Variants in CAPN14 observed in about 807,000 individuals in gnomAD.
CAPN14 encodes calpain-14.
Under a neutral mutation model 101.3 loss-of-function variants are expected in CAPN14, and 94 were observed. That is an observed-to-expected ratio of 0.93 (90% CI 0.79 to 1.10). CAPN14 has a LOEUF of 1.10. Ranked by LOEUF, CAPN14 falls within the 50% of genes least tolerant of loss-of-function variation. CAPN14 has a pLI of 0.00. For synonymous variants in CAPN14, 338 were observed against 317.9 expected (o/e 1.06, Z -0.67); for missense variants, 837 against 828.4 (o/e 1.01, Z -0.13).
intron 15 of CAPN14, among the ~76,000 whole-genome samples, chr2:31,186,830 T>C (rs1162621965): frequency 6.6e-6 from 1 of 152,244 alleles, no homozygotes; most frequent in Non-Finnish European, 1.5e-5. Flanking sequence ...CAGTGAAATA[T>C]AAGTATCAAA....
At chr2:31,205,590 A>G (rs1211869539) in intron 1 of CAPN14, 91 bp from the exon 2 acceptor site, 1 of 706,164 alleles carries the variant, frequency 1.4e-6, no homozygotes, top group Non-Finnish European at 2.5e-6. Context: ...AGAGAATGGG[A>G]GCGGAGAAGT....
chr2:31,187,683 C>A, intron 15 of CAPN14, 75 bp downstream of exon 15: 1 of 1,335,328 alleles, frequency 7.5e-7, no homozygotes. Flanking sequence ...AGGTGCAAAC[C>A]TATACTTTAT....
upstream of CAPN14, among the ~76,000 whole-genome samples, chr2:31,218,109 G>C (rs1009250544): frequency 1.2e-4 from 18 of 152,020 alleles, no homozygotes; most frequent in Middle Eastern, 3.4e-3. Context: ...TCAGAACATT[G>C]ACCTCCCACT....
chr2:31,216,119 C>A (rs911342893), intron 1 of CAPN14, among the ~76,000 whole-genome samples: 8 of 152,174 alleles, frequency 5.3e-5, no homozygotes, highest in Admixed American at 5.2e-4. Context: ...ACAAGAATTA[C>A]ATGCTGCAAT....
At chr2:31,227,280 G>A (rs78560940) in intron 1 of CAPN14, among the ~76,000 whole-genome samples, 5,765 of 152,222 alleles carry the variant, frequency 0.038, 129 homozygotes, top group Middle Eastern at 0.061. Flanking sequence ...CTGACTTTCT[G>A]CCAAGGAGAG....
intron 14 of CAPN14, 99 bp downstream of exon 14, chr2:31,188,219 G>A (rs938680973): frequency 2.0e-5 from 21 of 1,027,258 alleles, no homozygotes; most frequent in South Asian, 8.2e-5. Flanking sequence ...GTAAGGATCC[G>A]CATATCTCCT....
In CAPN14 at chr2:31,229,223, C is replaced by A. The variant is rs563439975; in HGVS notation, c.-176-2572G>T. Among the ~76,000 whole-genome samples, 3 of 152,160 alleles carry A rather than the reference C, an allele frequency of 2.0e-5. No individual in the cohort carries two copies. In the East Asian group the frequency reaches 5.8e-4, roughly 29 times the overall value. On this transcript the variant is annotated intron_variant and NMD_transcript_variant, in intron 1 of 21. Transcript: ENST00000398824. ...GGGCAGGAGACAGGATGGGGAGGAG[C>A]ACATAAGTAGATGTAAATTGCTGCT...
intron 16 of CAPN14, among the ~76,000 whole-genome samples, chr2:31,184,610 G>T (rs115393651): frequency 0.012 from 1,770 of 152,322 alleles, 33 homozygotes; most frequent in African/African-American, 0.04. Context: ...TGCAGAGAAA[G>T]AGGAGTTTTG....
chr2:31,217,779 C>A (rs1572442675), upstream of CAPN14, among the ~76,000 whole-genome samples: 1 of 152,152 alleles, frequency 6.6e-6, no homozygotes, highest in South Asian at 2.1e-4. Context: ...GGGGAGGGTA[C>A]TTTCAGGTGT....
intron 1 of CAPN14, among the ~76,000 whole-genome samples, chr2:31,228,858 G>A (rs1344272840): frequency 2.0e-5 from 3 of 152,104 alleles, no homozygotes; most frequent in Non-Finnish European, 4.4e-5. Flanking sequence ...AAAGACACGG[G>A]GACACCAGGA....
At chr2:31,214,596 C>T (rs1299520006) in intron 1 of CAPN14, among the ~76,000 whole-genome samples, 1 of 152,126 alleles carries the variant, frequency 6.6e-6, no homozygotes, top group African/African-American at 2.4e-5. Flanking sequence ...GGTAGGCGTC[C>T]CCTGGGCTGA....
Position 31,173,223 on chromosome 2 carries a change from A to G in CAPN14, c.*1458T>C, listed in dbSNP as rs1680132512. ...ATCTCATGTATCTGGCACTTTATGG[A>G]AACCCATTTTACATTTTATCATTTG... On this transcript the variant is annotated 3_prime_UTR_variant, in exon 22 of 22. Coordinates refer to ENST00000403897, the MANE Select transcript of CAPN14 (RefSeq NM_001145122.2). 6.6e-6 allele frequency: 1 copy of G among 152,226 alleles called. No individual in the cohort carries two copies. Among genetic ancestry groups the G allele is most frequent in the Non-Finnish European group, 1.5e-5 (1 of 68,040 alleles). 9.4% of individuals were successfully genotyped at this position (152,226 alleles called of 1,614,324 possible). A position where few individuals can be genotyped will look rare whatever the true frequency, so the allele number is the denominator to read the frequency against.
intron 9 of CAPN14, among the ~76,000 whole-genome samples, 195 bp from the exon 10 acceptor site, chr2:31,193,489 G>T (rs187888770): frequency 9.6e-5 from 14 of 146,250 alleles, no homozygotes; most frequent in East Asian, 3.9e-4. Context: ...GGTCCATCGT[G>T]GGGGGCTGGA....
At chr2:31,181,110 G>T in intron 16 of CAPN14, 110 bp from the exon 17 acceptor site, 1 of 794,268 alleles carries the variant, frequency 1.3e-6, no homozygotes, top group Non-Finnish European at 2.1e-6. Flanking sequence ...CACCATGTAT[G>T]TACGTGGGCT....
At chr2:31,196,991 T>C (rs932551518) in intron 8 of CAPN14, among the ~76,000 whole-genome samples, 6 of 152,202 alleles carry the variant, frequency 3.9e-5, no homozygotes, top group African/African-American at 1.4e-4. Flanking sequence ...TTAAATGAGA[T>C]AATAAAAATT....
At chr2:31,215,961 T>C (rs1682626079) in intron 1 of CAPN14, among the ~76,000 whole-genome samples, 1 of 151,692 alleles carries the variant, frequency 6.6e-6, no homozygotes, top group African/African-American at 2.4e-5. Context: ...CTTAAATCTA[T>C]GCACCAAAAG....
At position 31,230,991 on chromosome 2, in the gene CAPN14, C is replaced by G. The variant is rs763113128; in HGVS notation, c.-177+2800G>C. ...TTTACTGTGTTGTTATTCTGTTGGTCTCTGTGCCAAAACCATATTAACCAC... is the reference window on the plus strand; with the variant it reads ...TTTACTGTGTTGTTATTCTGTTGGTGTCTGTGCCAAAACCATATTAACCAC... On this transcript the variant is annotated intron_variant and NMD_transcript_variant, in intron 1 of 21. Transcript: ENST00000398824. This position sits in a 1 kb window ranked among gnomAD's most constrained non-coding sequence, Gnocchi z 4.3. Among the ~76,000 whole-genome samples, 1 of 152,130 alleles carries G rather than the reference C, an allele frequency of 6.6e-6. No individual in the cohort carries two copies. Among genetic ancestry groups the G allele is most frequent in the Non-Finnish European group, 1.5e-5 (1 of 68,052 alleles).
At chr2:31,178,424 A>C (rs4952052) in intron 18 of CAPN14, 87 bp downstream of exon 18, 991,950 of 996,780 alleles carry the variant, frequency 1, 493,598 homozygotes, top group East Asian at 1. Context: ...TAAAGGGCTG[A>C]AGGGGACAGA....
intron 16 of CAPN14, among the ~76,000 whole-genome samples, chr2:31,182,100 T>A (rs1412241262): frequency 2.0e-5 from 3 of 152,194 alleles, no homozygotes; most frequent in African/African-American, 4.8e-5. Context: ...TTCGCCACAC[T>A]GACTTCCACA....
Sources: allele counts gnomAD v4.1 joint callset (sites outside exome capture counted in the v4.1 genomes callset), GRCh38; gene constraint gnomAD v4.1.1; non-coding constraint Gnocchi (gnomAD v3.1); transcripts MANE v1.5; gene names NCBI Gene and HGNC (gene_info 2026-07-23, HGNC 2026-07-21).